OTOGL: variants seen among roughly 807,000 people sequenced by gnomAD.
The protein encoded by OTOGL is otogelin-like protein.
A neutral mutation model predicts 318.5 loss-of-function variants in OTOGL; 285 were observed. That is an observed-to-expected ratio of 0.89 (90% CI 0.81 to 0.99). The LOEUF (loss-of-function observed/expected upper bound fraction) is 0.99, where lower values mean the gene tolerates loss of function less well. Among genes scored for constraint, OTOGL ranks in the 50% least tolerant of loss-of-function variants. The pLI is 0.00. For missense variants in OTOGL, 2,899 were observed against 2,845.6 expected (o/e 1.02, Z -0.43); for synonymous variants, 987 against 936.5 (o/e 1.05, Z -0.99).
In OTOGL at chr12:80,378,081, A is replaced by T; in HGVS notation, c.*33A>T. 1.4e-6 allele frequency: 2 copies of T among 1,436,200 alleles called. No individual in the cohort carries two copies. The highest frequency in any genetic ancestry group is 1.9e-6 in the Non-Finnish European group (2 of 1,051,112). 89.0% of individuals were successfully genotyped at this position (1,436,200 alleles called of 1,614,324 possible). ...GGTTCCAAGAGCTCTATACAACATC[A>T]TAACGTCAGATAGAATTAACTTTTA... On this transcript the variant is annotated 3_prime_UTR_variant, in exon 59 of 59. Transcript: ENST00000547103.
At chr12:80,281,376 C>T (rs1383240045) in intron 26 of OTOGL, among the ~76,000 whole-genome samples, 2 of 151,688 alleles carry the variant, frequency 1.3e-5, no homozygotes, top group African/African-American at 4.8e-5. Context: ...TCCTCTAATG[C>T]CTAGTTTTTA....
chr12:80,298,382 T>C (rs781457632), intron 27 of OTOGL, among the ~76,000 whole-genome samples: 1 of 152,206 alleles, frequency 6.6e-6, no homozygotes, highest in Non-Finnish European at 1.5e-5. Context: ...TCTGTAACTT[T>C]GGGCAGGTTT....
At chr12:80,361,616 C>A (rs1330569577) in intron 52 of OTOGL, among the ~76,000 whole-genome samples, 1 of 152,094 alleles carries the variant, frequency 6.6e-6, no homozygotes, top group African/African-American at 2.4e-5. Flanking sequence ...TGCAGGGTTT[C>A]TTTTTCTGCA....
intron 20 of OTOGL, 194 bp downstream of exon 20, chr12:80,265,404 A>G: frequency 1.6e-6 from 1 of 639,990 alleles, no homozygotes; most frequent in Non-Finnish European, 2.6e-6. Flanking sequence ...TAAGACCAAT[A>G]ACTTTTGACT....
At position 80,349,778 on chromosome 12, in the gene OTOGL, G is replaced by A. The variant is rs149576723; in HGVS notation, c.5266-2517G>A. 2.6e-4 allele frequency among the ~76,000 whole-genome samples: 39 copies of A among 152,190 alleles called. No individual in the cohort carries two copies. In the East Asian group the frequency reaches 6.9e-3, roughly 27 times the overall value. On this transcript the variant is annotated intron_variant, in intron 44 of 58. Coordinates refer to ENST00000547103, the MANE Select transcript of OTOGL (RefSeq NM_001378609.3). ...AAGTCAAATCTTAGGGTTTTTTTCT[G>A]CATCTTCAAAAATATTTAATTTTAT...
intron 11 of OTOGL, among the ~76,000 whole-genome samples, chr12:80,249,249 TAG>T (rs1360390695): frequency 6.6e-6 from 1 of 150,784 alleles, no homozygotes; most frequent in Non-Finnish European, 1.5e-5. Context: ...CTCTGCGTTT[TAG>T]AGTTTCCAGT....
In OTOGL at chr12:80,313,481, C is replaced by T. The variant is rs527866148; in HGVS notation, c.3456C>T (p.Asp1152=). Residue 1152 remains aspartate (D), a synonymous_variant, in exon 31 of 59, where the codon GAC becomes GAT. Transcript: ENST00000547103. ...TCTTTCACCTCATTTTTCAGATTGA[C>T]GTTACTTCTTTTGCCAAAAATTGTC... ...DIFASCRNVI[D]VTSFAKNCHE... 1.4e-5 allele frequency: 23 copies of T among 1,606,668 alleles called. No individual in the cohort carries two copies. Among genetic ancestry groups the T allele is most frequent in the Admixed American group, 3.3e-5 (2 of 59,822 alleles).
At chr12:80,105,407 G>C (rs912524753) in intron 1 of OTOGL, among the ~76,000 whole-genome samples, 1 of 152,154 alleles carries the variant, frequency 6.6e-6, no homozygotes, top group African/African-American at 2.4e-5. Context: ...TAGCTATTTT[G>C]AGAAAGTTTC....
At chr12:80,183,766 T>C (rs1358642666) in intron 1 of OTOGL, among the ~76,000 whole-genome samples, 1 of 152,090 alleles carries the variant, frequency 6.6e-6, no homozygotes, top group African/African-American at 2.4e-5. Flanking sequence ...GGGCTGCAGG[T>C]TGGAGGTCTT....
rs1188820209 is a variant in OTOGL at position 80,266,499 on chromosome 12, G to C, written c.2273G>C (p.Cys758Ser). 6.2e-7 allele frequency: 1 copy of C among 1,613,522 alleles called. No individual in the cohort carries two copies. Among genetic ancestry groups the C allele is most frequent in the Admixed American group, 1.7e-5 (1 of 59,866 alleles). ...GMLYHHCSSF[C>S]LHSCISLSSP... is the part of the protein sequence containing the mutation. ...CTGTACCATCACTGTTCCTCGTTCT[G>C]CCTCCATTCCTGCATTTCTCTCTCT... Residue 758 changes from cysteine to serine, a missense_variant, in exon 21 of 59, where the codon TGC (cysteine) becomes TCC (serine). This residue lies in a region of OTOGL where 2,607 missense variants were observed against 2,524.9 expected (regional missense o/e 1.03). Coordinates refer to ENST00000547103, the MANE Select transcript of OTOGL (RefSeq NM_001378609.3).
At chr12:80,213,853 T>C (rs912031147) in intron 4 of OTOGL, among the ~76,000 whole-genome samples, 40 of 152,302 alleles carry the variant, frequency 2.6e-4, no homozygotes, top group African/African-American at 9.1e-4. Flanking sequence ...GAATTTCATG[T>C]GTTACAAGGC....
intron 1 of OTOGL, among the ~76,000 whole-genome samples, chr12:80,146,870 T>C (rs1872408107): frequency 6.6e-6 from 1 of 152,038 alleles, no homozygotes; most frequent in African/African-American, 2.4e-5. Flanking sequence ...TATTCTCTGA[T>C]GGTAGTTTGT....
At chr12:80,207,729 A>G (rs1592546768) in intron 1 of OTOGL, among the ~76,000 whole-genome samples, 1 of 152,244 alleles carries the variant, frequency 6.6e-6, no homozygotes, top group Non-Finnish European at 1.5e-5. Flanking sequence ...CATTCTGCAT[A>G]AACTAATTCC....
intron 44 of OTOGL, among the ~76,000 whole-genome samples, chr12:80,347,917 T>G (rs1390360873): frequency 6.6e-6 from 1 of 152,256 alleles, no homozygotes; most frequent in Non-Finnish European, 1.5e-5. Context: ...CATAAATGTC[T>G]TCTTTTGAGA....
intron 26 of OTOGL, among the ~76,000 whole-genome samples, chr12:80,285,348 C>G (rs568688216): frequency 6.6e-6 from 1 of 152,196 alleles, no homozygotes; most frequent in South Asian, 2.1e-4. Flanking sequence ...TTAGTATTAT[C>G]TTGGCTATAT....
intron 1 of OTOGL, among the ~76,000 whole-genome samples, chr12:80,192,939 T>C (rs2137265791): frequency 6.6e-6 from 1 of 152,138 alleles, no homozygotes; most frequent in East Asian, 1.9e-4. Context: ...AACTAAGAGA[T>C]GAGGGAAATA....
At chr12:80,330,687 G>GCTATTT (rs1888012170) in intron 37 of OTOGL, among the ~76,000 whole-genome samples, 1 of 152,062 alleles carries the variant, frequency 6.6e-6, no homozygotes, top group South Asian at 2.1e-4. Context: ...AAAAAATAAA[G>GCTATTT]CTATTTCTAT....
chr12:80,314,095 A>G, intron 31 of OTOGL, among the ~76,000 whole-genome samples: 1 of 152,116 alleles, frequency 6.6e-6, no homozygotes, highest in East Asian at 1.9e-4. Context: ...AATTGGCAAT[A>G]TATTTTCCTA....
At chr12:80,263,877 G>A (rs1398114637) in intron 19 of OTOGL, among the ~76,000 whole-genome samples, 1 of 151,946 alleles carries the variant, frequency 6.6e-6, no homozygotes, top group Admixed American at 6.6e-5. Context: ...CCTCTTTGGT[G>A]TATTACTTTG....
Sources: allele counts gnomAD v4.1 joint callset (sites outside exome capture counted in the v4.1 genomes callset), GRCh38; gene constraint gnomAD v4.1.1; regional missense constraint gnomAD v4.1.1; transcripts MANE v1.5; gene names NCBI Gene and HGNC (gene_info 2026-07-23, HGNC 2026-07-21).